The following WDR64 variants were observed in gnomAD, a reference collection of about 807,000 sequenced individuals.
WDR64 encodes the protein WD repeat domain 64, also known as WD repeat-containing protein 64.
Under a neutral mutation model 139.3 loss-of-function variants are expected in WDR64, and 112 were observed. The observed-to-expected ratio is 0.80, with a 90% CI of 0.69 to 0.94. The LOEUF (loss-of-function observed/expected upper bound fraction) is 0.94, where lower values mean the gene tolerates loss of function less well. Ranked by LOEUF, WDR64 falls within the 40% of genes least tolerant of loss-of-function variation. WDR64 has a pLI of 0.00. For missense variants in WDR64, 1,206 were observed against 1,293.1 expected, an observed-to-expected ratio of 0.93 and a Z score of 1.03; for synonymous variants, 444 against 437.7, an observed-to-expected ratio of 1.01 and a Z score of -0.18.
At chr1:241,698,321 G>A (rs1442577590) in intron 8 of WDR64, among the ~76,000 whole-genome samples, 1 of 152,038 alleles carries the variant, frequency 6.6e-6, no homozygotes, top group Admixed American at 6.6e-5. Flanking sequence ...TGTCCATATT[G>A]CCTCATAACC....
chr1:241,668,759 A>C (rs1458482801), intron 2 of WDR64, among the ~76,000 whole-genome samples: 2 of 152,042 alleles, frequency 1.3e-5, no homozygotes, highest in Non-Finnish European at 2.9e-5. Flanking sequence ...AAATACAAAA[A>C]TTAGCCAGGC....
chr1:241,726,273 A>T (rs915457385), intron 10 of WDR64, among the ~76,000 whole-genome samples: 8 of 152,056 alleles, frequency 5.3e-5, no homozygotes, highest in African/African-American at 1.4e-4. Context: ...ATTAATTTTT[A>T]AAAAAAGAGC....
intron 8 of WDR64, among the ~76,000 whole-genome samples, chr1:241,690,865 CTTTTCTAACAGATAA>C (rs922985610): frequency 2.6e-4 from 39 of 151,968 alleles, no homozygotes; most frequent in Non-Finnish European, 1.3e-4. Context: ...TTATTCTTAA[CTTTTCTAACAGATAA>C]TTTGTTCAAA....
chr1:241,652,338 C>T lies in WDR64; in HGVS notation c.-147C>T, dbSNP rs1274273544. Reference sequence around the variant, plus strand: ...CCTAGTGGCAACTCTTACTCCTACCCGCACTATGGGATTTTAAGATCAAAG... The same window carrying T: ...CCTAGTGGCAACTCTTACTCCTACCTGCACTATGGGATTTTAAGATCAAAG... On this transcript the variant is annotated 5_prime_UTR_variant, in exon 1 of 28. Coordinates refer to ENST00000437684, the MANE Select transcript of WDR64 (RefSeq NM_001367482.1). 16 of 769,370 alleles carry T rather than the reference C, an allele frequency of 2.1e-5. 1 individual carries two copies. Among genetic ancestry groups the T allele is most frequent in the African/African-American group, 1.6e-4 (9 of 56,878 alleles). 47.7% of individuals were successfully genotyped at this position (769,370 alleles called of 1,614,324 possible). A position where few individuals can be genotyped will look rare whatever the true frequency, so the allele number is the denominator to read the frequency against.
At chr1:241,740,850 A>C (rs1669511636) in intron 11 of WDR64, among the ~76,000 whole-genome samples, 1 of 152,048 alleles carries the variant, frequency 6.6e-6, no homozygotes, top group Admixed American at 6.6e-5. Flanking sequence ...TCTTATTAAT[A>C]TTTCTAGACA....
chr1:241,772,451 C>CTTTTTTTTTTTTTTTTTTTTTTTTTTTT (rs534177884), intron 19 of WDR64, among the ~76,000 whole-genome samples: 3 of 59,020 alleles, frequency 5.1e-5, no homozygotes, highest in African/African-American at 1.9e-4. Context: ...AAGATAGATC[C>CTTTTTTTTTTTTTTTTTTTTTTTTTTTT]TTTTTTTTTT....
At chr1:241,716,473 G>T (rs1043441478) in intron 9 of WDR64, among the ~76,000 whole-genome samples, 9 of 152,062 alleles carry the variant, frequency 5.9e-5, no homozygotes, top group African/African-American at 2.2e-4. Flanking sequence ...AAGATATTTT[G>T]GGGGCTCTGC....
chr1:241,770,376 CTT>C (rs1658382603), intron 17 of WDR64: 2 of 385,622 alleles, frequency 5.2e-6, no homozygotes, highest in Admixed American at 4.5e-5. Flanking sequence ...ATAGGCAAGA[CTT>C]TTATTTTCTG....
intron 8 of WDR64, among the ~76,000 whole-genome samples, chr1:241,699,747 T>C (rs1176353154): frequency 6.6e-6 from 1 of 151,976 alleles, no homozygotes; most frequent in Non-Finnish European, 1.5e-5. Context: ...AAAGAGAAGA[T>C]GGTGAGTTCT....
intron 4 of WDR64, chr1:241,677,255 A>C (rs1177353029): frequency 7.5e-6 from 3 of 397,960 alleles, no homozygotes; most frequent in Non-Finnish European, 8.9e-6. Context: ...AAAGATATAT[A>C]TAGAGAAAGA....
At position 241,674,646 on chromosome 1, in the gene WDR64, A is replaced by G. The variant is rs1335596020; in HGVS notation, c.382A>G (p.Ser128Gly). The G allele has an allele frequency of 1.3e-6, 2 of 1,539,370 alleles. No individual in the cohort carries two copies. Among genetic ancestry groups the G allele is most frequent in the Non-Finnish European group, 1.8e-6 (2 of 1,136,848 alleles). ...SRKRRILISG[S>G]RRRDVIKSIV... is the part of the protein sequence containing the mutation. ...AATGAATATTATGCTGTTGACAGGT[A>G]GTAGAAGACGAGATGTGATTAAGAG... is the stretch of plus-strand genomic sequence containing the variant. The change falls in exon 4 of 28, where the codon AGT (serine) becomes GGT (glycine). Residue 128 changes from serine (S) to glycine (G), a missense_variant and splice_region_variant. By Grantham distance (56) the Ser-to-Gly change is moderately conservative (BLOSUM62 0). Coordinates refer to ENST00000437684, the MANE Select transcript of WDR64 (RefSeq NM_001367482.1).
At chr1:241,681,762 T>A (rs1304169883) in intron 6 of WDR64, among the ~76,000 whole-genome samples, 1 of 152,226 alleles carries the variant, frequency 6.6e-6, no homozygotes, top group Admixed American at 6.5e-5. Context: ...TGTTCCCTTT[T>A]CACTGCATCC....
Position 241,790,701 on chromosome 1 carries a change from C to T in WDR64, c.2997+5C>T. On this transcript the variant is annotated splice_donor_5th_base_variant and intron_variant, in intron 25 of 27. Coordinates refer to ENST00000437684, the MANE Select transcript of WDR64 (RefSeq NM_001367482.1). ...AAGTCTCTTTCTTCTCCTAAGGTAG[C>T]TTAAAAAAAAAAAAAAAAAAGAAAT... The T allele has an allele frequency of 7.2e-7, 1 of 1,392,530 alleles. No individual in the cohort carries two copies. 86.3% of individuals were successfully genotyped at this position (1,392,530 alleles called of 1,614,324 possible). A position where few individuals can be genotyped will look rare whatever the true frequency, so the allele number is the denominator to read the frequency against.
At chr1:241,776,823 C>G (rs1316559566) in intron 21 of WDR64, among the ~76,000 whole-genome samples, 1 of 152,166 alleles carries the variant, frequency 6.6e-6, no homozygotes, top group Non-Finnish European at 1.5e-5. Flanking sequence ...AGGGTTAGTC[C>G]TCTCTTTGCC....
At chr1:241,705,583 T>TAAC (rs1667921422) in intron 8 of WDR64, among the ~76,000 whole-genome samples, 2 of 147,758 alleles carry the variant, frequency 1.4e-5, no homozygotes, top group African/African-American at 4.9e-5. Flanking sequence ...ATAATAATAA[T>TAAC]AATAATAATA....
In WDR64 at chr1:241,795,108, A is replaced by G. The variant is rs545731540; in HGVS notation, c.2998-99A>G. The G allele has an allele frequency of 1.9e-5, 17 of 916,546 alleles. No individual in the cohort carries two copies. In the East Asian group the frequency reaches 4.6e-4, roughly 25 times the overall value. 56.8% of individuals were successfully genotyped at this position (916,546 alleles called of 1,614,324 possible). ...GGTAACAGGGAAGTCCCTTAAGATCACACATCTAATAAGTGACAGAGTCAG... is the reference window on the plus strand; with the variant it reads ...GGTAACAGGGAAGTCCCTTAAGATCGCACATCTAATAAGTGACAGAGTCAG... On this transcript the variant is annotated intron_variant, in intron 25 of 27. Coordinates refer to ENST00000437684, the MANE Select transcript of WDR64 (RefSeq NM_001367482.1).
Position 241,660,548 on chromosome 1 carries a change from A to C in WDR64, c.164A>C (p.Lys55Thr). The change falls in exon 2 of 28, where the codon AAG becomes ACG. Residue 55 changes from lysine to threonine, a missense_variant. Transcript: ENST00000437684. ...AATGCAGATGCAATTGGTTATGACA[A>C]GTTTTATGCATCGGTACAGAAGCTC... ...IHKEDAIGYD[K>T]FYASVQKLFG... 6.4e-7 allele frequency: 1 copy of C among 1,551,792 alleles called. No individual in the cohort carries two copies. Among genetic ancestry groups the C allele is most frequent in the Non-Finnish European group, 8.7e-7 (1 of 1,146,850 alleles).
chr1:241,758,856 A>T (rs956886860), intron 15 of WDR64, among the ~76,000 whole-genome samples: 1 of 152,184 alleles, frequency 6.6e-6, no homozygotes, highest in East Asian at 1.9e-4. Context: ...ATAGTATTTT[A>T]AAAAACCACT....
At chr1:241,771,760 G>A in intron 19 of WDR64, 63 bp downstream of exon 19, 1 of 1,120,970 alleles carries the variant, frequency 8.9e-7, no homozygotes, top group African/African-American at 1.6e-5. Flanking sequence ...GGGCATTTAG[G>A]TGACAGAGTA....
Sources: allele counts gnomAD v4.1 joint callset (sites outside exome capture counted in the v4.1 genomes callset), GRCh38; gene constraint gnomAD v4.1.1; transcripts MANE v1.5; gene names NCBI Gene and HGNC (gene_info 2026-07-23, HGNC 2026-07-21).